KCNH8: variants seen among roughly 807,000 people sequenced by gnomAD.
KCNH8 encodes the protein voltage-gated delayed rectifier potassium channel KCNH8.
Under a neutral mutation model 103.6 loss-of-function variants are expected in KCNH8, and 70 were observed. That is an observed-to-expected ratio of 0.68 (90% confidence interval 0.56 to 0.82). The LOEUF is 0.82. Ranked by LOEUF, KCNH8 falls within the 40% of genes least tolerant of loss-of-function variation. The probability of loss-of-function intolerance (pLI) is 0.00; values close to 1 mark genes in which losing one functional copy is unlikely to be tolerated. For synonymous variants in KCNH8, 498 were observed against 489.4 expected (o/e 1.02, Z -0.23); for missense variants, 1,217 against 1,329.9 (o/e 0.92, Z 1.32).
At chr3:19,458,561 AATGT>A (rs2125190123) in intron 11 of KCNH8, among the ~76,000 whole-genome samples, 1 of 152,100 alleles carries the variant, frequency 6.6e-6, no homozygotes, top group South Asian at 2.1e-4. Flanking sequence ...CACGCTAATT[AATGT>A]ATGCATTTCC....
At chr3:19,372,286 C>A (rs1296718682) in intron 5 of KCNH8, among the ~76,000 whole-genome samples, 3 of 150,890 alleles carry the variant, frequency 2.0e-5, no homozygotes, top group Admixed American at 6.6e-5. Context: ...CTTTTATTTC[C>A]TTGAGCACTG....
intron 1 of KCNH8, among the ~76,000 whole-genome samples, chr3:19,198,551 G>A (rs188612380): frequency 3.3e-5 from 5 of 152,114 alleles, no homozygotes; most frequent in African/African-American, 1.2e-4. Flanking sequence ...TCTAAAATAA[G>A]TCATCAATAA....
intron 11 of KCNH8, among the ~76,000 whole-genome samples, chr3:19,472,039 C>T (rs2067869703): frequency 6.6e-6 from 1 of 152,068 alleles, no homozygotes; most frequent in Non-Finnish European, 1.5e-5. Context: ...TATAAGAATT[C>T]TACCAAGTTA....
intron 1 of KCNH8, among the ~76,000 whole-genome samples, chr3:19,168,506 C>T (rs2063307473): frequency 6.6e-6 from 1 of 152,198 alleles, no homozygotes; most frequent in African/African-American, 2.4e-5. Context: ...TCTACCCATT[C>T]ATTTTTATCT....
At chr3:19,164,866 G>A (rs574780619) in intron 1 of KCNH8, among the ~76,000 whole-genome samples, 1 of 152,268 alleles carries the variant, frequency 6.6e-6, no homozygotes, top group Admixed American at 6.5e-5. Context: ...CACTGGTGTT[G>A]GAGAATTGAG....
intron 5 of KCNH8, among the ~76,000 whole-genome samples, chr3:19,354,577 C>A (rs1328560258): frequency 6.6e-6 from 1 of 152,108 alleles, no homozygotes; most frequent in East Asian, 1.9e-4. Flanking sequence ...AATAATACCA[C>A]ACATGTACAA....
intron 1 of KCNH8, among the ~76,000 whole-genome samples, chr3:19,160,898 A>G (rs1359595713): frequency 6.6e-6 from 1 of 152,154 alleles, no homozygotes; most frequent in Non-Finnish European, 1.5e-5. Flanking sequence ...TTTACTTAAT[A>G]ATGGCCCTAA....
intron 1 of KCNH8, among the ~76,000 whole-genome samples, chr3:19,239,676 A>ATCTG (rs1268370041): frequency 6.6e-6 from 1 of 151,816 alleles, no homozygotes; most frequent in Non-Finnish European, 1.5e-5. Context: ...CTATCTATCT[A>ATCTG]TCTATCTACC....
At chr3:19,465,734 A>C (rs1458417136) in intron 11 of KCNH8, among the ~76,000 whole-genome samples, 1 of 151,572 alleles carries the variant, frequency 6.6e-6, no homozygotes, top group Non-Finnish European at 1.5e-5. Context: ...CCAAATATCA[A>C]CATTAACAGG....
At chr3:19,285,696 C>CAA (rs2064821158) in intron 3 of KCNH8, among the ~76,000 whole-genome samples, 1 of 146,692 alleles carries the variant, frequency 6.8e-6, no homozygotes, top group African/African-American at 2.5e-5. Context: ...ACAAAGTTGA[C>CAA]ATAGTAAAAA....
At chr3:19,495,058 C>T (rs1330389814) in intron 11 of KCNH8, among the ~76,000 whole-genome samples, 1 of 151,982 alleles carries the variant, frequency 6.6e-6, no homozygotes, top group African/African-American at 2.4e-5. Flanking sequence ...TTCGTCTTTG[C>T]TTGTAAATTT....
At chr3:19,512,924 T>G in intron 12 of KCNH8, 46 bp from the exon 13 acceptor site, 2 of 1,544,746 alleles carry the variant, frequency 1.3e-6, no homozygotes, top group Non-Finnish European at 1.8e-6. Flanking sequence ...ATACCTTTTC[T>G]GCGGTTTTTG....
At chr3:19,318,662 T>TGTGTGTACACACACACACAC (rs1491117852) in intron 3 of KCNH8, among the ~76,000 whole-genome samples, 5 of 142,522 alleles carry the variant, frequency 3.5e-5, no homozygotes, top group African/African-American at 1.3e-4. Context: ...TGTGTGTGTG[T>TGTGTGTACACACACACACAC]ACACACACAC....
At chr3:19,225,929 G>T (rs1285966631) in intron 1 of KCNH8, among the ~76,000 whole-genome samples, 1 of 152,200 alleles carries the variant, frequency 6.6e-6, no homozygotes, top group African/African-American at 2.4e-5. Flanking sequence ...GATTTCAGAA[G>T]TAAGTCTTAT....
At chr3:19,230,354 C>T (rs11924695) in intron 1 of KCNH8, among the ~76,000 whole-genome samples, 8,683 of 152,200 alleles carry the variant, frequency 0.057, 852 homozygotes, top group African/African-American at 0.19. Context: ...TTCTTAATTT[C>T]CAACCACTCA....
chr3:19,251,702 T>C (rs529753492), intron 1 of KCNH8, among the ~76,000 whole-genome samples: 2 of 152,236 alleles, frequency 1.3e-5, no homozygotes, highest in East Asian at 3.9e-4. Flanking sequence ...AAACTTACTG[T>C]TTTTTGAATA....
intron 11 of KCNH8, among the ~76,000 whole-genome samples, chr3:19,482,878 A>C (rs2068116189): frequency 6.6e-6 from 1 of 152,200 alleles, no homozygotes; most frequent in Non-Finnish European, 1.5e-5. Context: ...CCAGAGCAGA[A>C]TAGTCAAGGC....
chr3:19,422,373 T>C (rs1476509141), intron 7 of KCNH8, among the ~76,000 whole-genome samples: 1 of 152,104 alleles, frequency 6.6e-6, no homozygotes, highest in Non-Finnish European at 1.5e-5. Context: ...GACAAAGTAA[T>C]AGAAGACTGC....
At chr3:19,236,188 A>G (rs922310878) in intron 1 of KCNH8, among the ~76,000 whole-genome samples, 4 of 152,224 alleles carry the variant, frequency 2.6e-5, no homozygotes, top group Admixed American at 2.0e-4. Flanking sequence ...CAGGGCTGAA[A>G]GAAACTTCAT....
Sources: allele counts gnomAD v4.1 joint callset (sites outside exome capture counted in the v4.1 genomes callset), GRCh38; gene constraint gnomAD v4.1.1; transcripts MANE v1.5; gene names NCBI Gene and HGNC (gene_info 2026-07-23, HGNC 2026-07-21).